The following MAPK10 variants were observed in gnomAD, a reference collection of about 807,000 sequenced individuals.
MAPK10 encodes the protein mitogen-activated protein kinase 10.
Under a neutral mutation model 59.3 loss-of-function variants are expected in MAPK10, and 25 were observed. The ratio of observed to expected loss-of-function variants is 0.42; its 90% CI spans 0.31 to 0.59. The LOEUF is 0.59. Among genes scored for constraint, MAPK10 ranks in the 20% least tolerant of loss-of-function variants. MAPK10 has a pLI of 0.15. For synonymous variants in MAPK10, 190 were observed against 200.5 expected, an observed-to-expected ratio of 0.95 and a Z score of 0.44; for missense variants, 351 against 568.9, an observed-to-expected ratio of 0.62 and a Z score of 3.90.
intron 1 of MAPK10, among the ~76,000 whole-genome samples, chr4:86,445,839 G>A (rs1329060738): frequency 3.9e-5 from 6 of 152,028 alleles, no homozygotes; most frequent in Admixed American, 3.9e-4. Flanking sequence ...GTTGCCAGTA[G>A]ACCTGCCTTG....
intron 2 of MAPK10, among the ~76,000 whole-genome samples, chr4:86,298,765 AC>A (rs2095415562): frequency 6.6e-6 from 1 of 152,190 alleles, no homozygotes; most frequent in Non-Finnish European, 1.5e-5. Flanking sequence ...CCATTTCATA[AC>A]CGTCTTCTAT....
Position 86,016,962 on chromosome 4 carries a change from G to T in MAPK10, c.*266C>A. On this transcript the variant is annotated 3_prime_UTR_variant, in exon 14 of 14. Transcript: ENST00000641462. Reference sequence around the variant, plus strand: ...GGAAAAGGCTTCTCTAATTGTGTCTGATTTGCTTTCTGTAGTAAGCATCAT... The same window carrying T: ...GGAAAAGGCTTCTCTAATTGTGTCTTATTTGCTTTCTGTAGTAAGCATCAT... The T allele has an allele frequency of 3.0e-6, 1 of 329,514 alleles. No individual in the cohort carries two copies. The highest frequency in any genetic ancestry group is 5.6e-6 in the Non-Finnish European group (1 of 177,218). 20.4% of individuals were successfully genotyped at this position (329,514 alleles called of 1,614,324 possible).
chr4:86,333,142 A>G (rs1443899711), intron 2 of MAPK10, among the ~76,000 whole-genome samples: 1 of 152,160 alleles, frequency 6.6e-6, no homozygotes, highest in Non-Finnish European at 1.5e-5. Context: ...AACAAATTCA[A>G]TAACATATAA....
intron 1 of MAPK10, among the ~76,000 whole-genome samples, chr4:86,367,261 G>A (rs1371890612): frequency 5.3e-5 from 8 of 152,146 alleles, no homozygotes; most frequent in Admixed American, 6.5e-5. Flanking sequence ...GATACAATAT[G>A]AGGGGATGGT....
chr4:86,515,654 A>G (rs1323449380), intron 1 of MAPK10, among the ~76,000 whole-genome samples: 1 of 151,974 alleles, frequency 6.6e-6, no homozygotes, highest in East Asian at 1.9e-4. Flanking sequence ...TTGTCTATTC[A>G]TGTTCTTTGC....
intron 2 of MAPK10, among the ~76,000 whole-genome samples, chr4:86,248,242 T>G (rs779011341): frequency 1.3e-5 from 2 of 152,248 alleles, no homozygotes; most frequent in Non-Finnish European, 2.9e-5. Context: ...AGCTTGTGTT[T>G]CACAATCAGT....
At chr4:86,032,333 T>G in intron 11 of MAPK10, 1 of 150,360 alleles carries the variant, frequency 6.7e-6, no homozygotes, top group Non-Finnish European at 1.5e-5. Context: ...TCAGGCCAAG[T>G]GATATGGAAA....
At chr4:86,298,287 T>C (rs920998564) in intron 2 of MAPK10, among the ~76,000 whole-genome samples, 1 of 152,234 alleles carries the variant, frequency 6.6e-6, no homozygotes, top group Non-Finnish European at 1.5e-5. Flanking sequence ...ATATTAATTA[T>C]TGAATTCCTC....
intron 1 of MAPK10, among the ~76,000 whole-genome samples, chr4:86,471,889 G>A (rs896734799): frequency 2.6e-5 from 4 of 152,102 alleles, no homozygotes; most frequent in East Asian, 3.9e-4. Context: ...GAAACTCAGC[G>A]TAACCCAAAA....
At chr4:86,131,217 C>T (rs555324239) in intron 4 of MAPK10, among the ~76,000 whole-genome samples, 1 of 152,244 alleles carries the variant, frequency 6.6e-6, no homozygotes, top group Admixed American at 6.5e-5. Context: ...GGTTAACTTA[C>T]TTTCATTTTG....
intron 1 of MAPK10, among the ~76,000 whole-genome samples, chr4:86,366,526 T>C (rs1737927593): frequency 6.6e-6 from 1 of 152,092 alleles, no homozygotes; most frequent in Non-Finnish European, 1.5e-5. Flanking sequence ...ATCTTGATTT[T>C]TCAGACCCAA....
intron 1 of MAPK10, among the ~76,000 whole-genome samples, chr4:86,459,394 C>G (rs1751523515): frequency 6.6e-6 from 1 of 152,202 alleles, no homozygotes; most frequent in Non-Finnish European, 1.5e-5. Flanking sequence ...TCTAAGCAAT[C>G]CCACTACTGG....
chr4:86,287,229 A>G (rs1045609672), intron 2 of MAPK10, among the ~76,000 whole-genome samples: 1 of 152,110 alleles, frequency 6.6e-6, no homozygotes, highest in African/African-American at 2.4e-5. Context: ...ACCCACAAAA[A>G]CCTTTTAAAT....
chr4:86,063,754 A>G (rs1379666893), intron 11 of MAPK10, among the ~76,000 whole-genome samples: 1 of 152,214 alleles, frequency 6.6e-6, no homozygotes, highest in Non-Finnish European at 1.5e-5. Flanking sequence ...GAAGTAATGT[A>G]CTTACTGAAA....
chr4:86,435,342 C>A (rs1188815348), intron 1 of MAPK10, among the ~76,000 whole-genome samples: 2 of 151,816 alleles, frequency 1.3e-5, no homozygotes, highest in African/African-American at 4.8e-5. Flanking sequence ...ACTAAAAATA[C>A]AAAAATTTAC....
intron 3 of MAPK10, among the ~76,000 whole-genome samples, chr4:86,185,685 A>C (rs2078054021): frequency 6.6e-6 from 1 of 152,130 alleles, no homozygotes; most frequent in African/African-American, 2.4e-5. Flanking sequence ...GGTAGTGGAG[A>C]AATAGTGAGA....
chr4:86,530,391 C>T (rs781144047), intron 1 of MAPK10, among the ~76,000 whole-genome samples: 7 of 152,254 alleles, frequency 4.6e-5, no homozygotes, highest in Admixed American at 1.3e-4. Context: ...ATGAGTGAAA[C>T]ATTTCCATTT....
At chr4:86,556,514 TG>T (rs1169012837) in intron 1 of MAPK10, among the ~76,000 whole-genome samples, 2 of 152,226 alleles carry the variant, frequency 1.3e-5, no homozygotes, top group South Asian at 4.1e-4. Context: ...AATAGAGAAA[TG>T]TTTTTAGATC....
intron 2 of MAPK10, among the ~76,000 whole-genome samples, chr4:86,291,083 G>A (rs568950751): frequency 1.3e-4 from 20 of 152,312 alleles, no homozygotes; most frequent in African/African-American, 4.1e-4. Flanking sequence ...ACCACTAGAA[G>A]TCTAATCAAG....
Sources: allele counts gnomAD v4.1 joint callset (sites outside exome capture counted in the v4.1 genomes callset), GRCh38; gene constraint gnomAD v4.1.1; transcripts MANE v1.5; gene names NCBI Gene and HGNC (gene_info 2026-07-23, HGNC 2026-07-21).